Variants in TNFRSF19 observed in about 807,000 individuals in gnomAD.
The protein encoded by TNFRSF19 is TNF receptor superfamily member 19, also known as tumor necrosis factor receptor superfamily member 19.
Under a neutral mutation model 46.4 loss-of-function variants are expected in TNFRSF19, and 27 were observed. The observed-to-expected ratio is 0.58, with a 90% confidence interval of 0.43 to 0.80. TNFRSF19 has a LOEUF of 0.80. TNFRSF19 is among the 30% of genes least tolerant of loss of function. The probability of loss-of-function intolerance (pLI) is 0.00; values close to 1 mark genes in which losing one functional copy is unlikely to be tolerated. For synonymous variants in TNFRSF19, 204 were observed against 205.0 expected (o/e 1.00, Z 0.04); for missense variants, 511 against 530.8 (o/e 0.96, Z 0.37).
rs1020979819 is a variant in TNFRSF19 at position 23,664,664 on chromosome 13, C to A, written c.737-3316C>A. Among the ~76,000 whole-genome samples, 3 of 152,324 alleles carry A rather than the reference C, an allele frequency of 2.0e-5. No individual in the cohort carries two copies. The East Asian group carries it at 5.8e-4, about 29-fold the overall frequency. ...CTCTTGGAACTGTCTAATCAGTCTT[C>A]TCAAGAAATTATCAGTTAAGTGTTC... On this transcript the variant is annotated intron_variant, in intron 7 of 9. Transcript: ENST00000248484.
intron 3 of TNFRSF19, among the ~76,000 whole-genome samples, chr13:23,602,460 G>A (rs1880226965): frequency 6.6e-6 from 1 of 152,082 alleles, no homozygotes; most frequent in African/African-American, 2.4e-5. Context: ...AGATTCAGCA[G>A]GCAGAAAGTC....
Position 23,659,463 on chromosome 13 carries a change from T to G in TNFRSF19, c.610+249T>G, listed in dbSNP as rs971259718. Reference sequence around the variant, plus strand: ...GCCTATTGTTGACGGGAAGCCTTACTGATAAACAGTTGGTTAATACATCTT... The same window carrying G: ...GCCTATTGTTGACGGGAAGCCTTACGGATAAACAGTTGGTTAATACATCTT... On this transcript the variant is annotated intron_variant, in intron 6 of 9. Transcript: ENST00000248484. This position sits in a 1 kb window ranked among gnomAD's most constrained non-coding sequence, Gnocchi z 4.9. Among the ~76,000 whole-genome samples the G allele has an allele frequency of 6.6e-6, 1 of 152,202 alleles. No individual in the cohort carries two copies. The highest frequency in any genetic ancestry group is 1.5e-5 in the Non-Finnish European group (1 of 68,036).
intron 5 of TNFRSF19, among the ~76,000 whole-genome samples, chr13:23,654,258 A>G (rs1035340057): frequency 2.0e-5 from 3 of 152,132 alleles, no homozygotes; most frequent in Non-Finnish European, 4.4e-5. Context: ...AAGGCAGAGG[A>G]GGGAGCCTGG....
intron 3 of TNFRSF19, among the ~76,000 whole-genome samples, chr13:23,596,996 C>T (rs970130025): frequency 1.3e-5 from 2 of 152,170 alleles, no homozygotes; most frequent in Non-Finnish European, 2.9e-5. Context: ...TGAATGACTA[C>T]TGGGTAAATA....
chr13:23,646,518 G>A (rs1883342853), intron 5 of TNFRSF19, among the ~76,000 whole-genome samples: 1 of 151,998 alleles, frequency 6.6e-6, no homozygotes, highest in Non-Finnish European at 1.5e-5. Flanking sequence ...GGTATCTCTT[G>A]TAAGTGGAAT....
chr13:23,601,049 A>G (rs2138210531), intron 3 of TNFRSF19, among the ~76,000 whole-genome samples: 1 of 152,326 alleles, frequency 6.6e-6, no homozygotes. Context: ...CTGATTTAAT[A>G]TGCTAATCAG....
At chr13:23,666,943 A>G (rs1358309664) in intron 7 of TNFRSF19, among the ~76,000 whole-genome samples, 2 of 152,198 alleles carry the variant, frequency 1.3e-5, no homozygotes, top group Non-Finnish European at 2.9e-5. Flanking sequence ...GTAAAGAGAT[A>G]TTCCTCATGG....
At chr13:23,572,801 A>G (rs2138125651) in intron 1 of TNFRSF19, among the ~76,000 whole-genome samples, 1 of 152,368 alleles carries the variant, frequency 6.6e-6, no homozygotes, top group East Asian at 1.9e-4. Flanking sequence ...AATTGCCACA[A>G]AATGACTTTG....
chr13:23,594,920 A>G (rs149483696), intron 3 of TNFRSF19, among the ~76,000 whole-genome samples: 11,967 of 152,302 alleles, frequency 0.079, 694 homozygotes, highest in East Asian at 0.28. Context: ...AGGAAGGAAC[A>G]GGCAGCAGTC....
At chr13:23,640,780 G>A (rs1394084861) in intron 5 of TNFRSF19, among the ~76,000 whole-genome samples, 1 of 152,182 alleles carries the variant, frequency 6.6e-6, no homozygotes, top group Non-Finnish European at 1.5e-5. Flanking sequence ...CAGTAAGTGA[G>A]GGAGACCATT....
At chr13:23,637,133 A>G (rs1033707811) in intron 5 of TNFRSF19, among the ~76,000 whole-genome samples, 2 of 152,134 alleles carry the variant, frequency 1.3e-5, no homozygotes, top group Non-Finnish European at 2.9e-5. Flanking sequence ...TTACATTATC[A>G]TGAGTGTTTT....
chr13:23,595,407 G>A (rs1879644805), intron 3 of TNFRSF19, among the ~76,000 whole-genome samples: 1 of 152,110 alleles, frequency 6.6e-6, no homozygotes, highest in Admixed American at 6.5e-5. Flanking sequence ...GTTTAGAGAA[G>A]AACATAAATG....
At chr13:23,648,785 C>T (rs190047021) in intron 5 of TNFRSF19, among the ~76,000 whole-genome samples, 1 of 152,234 alleles carries the variant, frequency 6.6e-6, no homozygotes, top group Non-Finnish European at 1.5e-5. Flanking sequence ...GTGTTTTTAT[C>T]ATGAAATAGT....
intron 5 of TNFRSF19, among the ~76,000 whole-genome samples, chr13:23,640,751 G>A (rs1306836275): frequency 6.6e-6 from 1 of 152,144 alleles, no homozygotes; most frequent in Non-Finnish European, 1.5e-5. Flanking sequence ...ACCAGCCTTT[G>A]TTTCCTGCCA....
At chr13:23,631,393 C>A (rs1353152051) in intron 5 of TNFRSF19, among the ~76,000 whole-genome samples, 2 of 152,126 alleles carry the variant, frequency 1.3e-5, no homozygotes, top group African/African-American at 2.4e-5. Flanking sequence ...GATTCTTTTG[C>A]CACTTCGGAT....
intron 5 of TNFRSF19, among the ~76,000 whole-genome samples, chr13:23,639,722 G>A (rs1457765920): frequency 2.0e-5 from 3 of 152,218 alleles, no homozygotes; most frequent in Non-Finnish European, 2.9e-5. Context: ...GCCCTGACCC[G>A]GCCCTGGAGG....
chr13:23,651,281 TAAAATATTTCAGTGA>T (rs1430928675), intron 5 of TNFRSF19, among the ~76,000 whole-genome samples: 5 of 152,202 alleles, frequency 3.3e-5, no homozygotes, highest in African/African-American at 1.2e-4. Flanking sequence ...AGGTCAAAGA[TAAAATATTTCAGTGA>T]AAAATATTTT....
intron 1 of TNFRSF19, among the ~76,000 whole-genome samples, chr13:23,574,775 G>A (rs1877852524): frequency 6.6e-6 from 1 of 152,230 alleles, no homozygotes; most frequent in South Asian, 2.1e-4. Flanking sequence ...TGGTGGCTGT[G>A]TTGGCTGTGC....
intron 3 of TNFRSF19, among the ~76,000 whole-genome samples, chr13:23,611,050 G>GA (rs768721493): frequency 1.3e-4 from 20 of 151,886 alleles, no homozygotes; most frequent in South Asian, 1.3e-3. Context: ...CCCTTATCCT[G>GA]AAGCCCAGGC....
Sources: allele counts gnomAD v4.1 joint callset (sites outside exome capture counted in the v4.1 genomes callset), GRCh38; gene constraint gnomAD v4.1.1; non-coding constraint Gnocchi (gnomAD v3.1); transcripts MANE v1.5; gene names NCBI Gene and HGNC (gene_info 2026-07-23, HGNC 2026-07-21).